Variants in PCDHGA3 observed in about 807,000 individuals in gnomAD.
PCDHGA3 encodes the protein protocadherin gamma subfamily A, 3.
PCDHGA3 carries 40 observed loss-of-function variants against 58.5 expected under a neutral mutation model. That is an observed-to-expected ratio of 0.68 (90% CI 0.53 to 0.89). The LOEUF (loss-of-function observed/expected upper bound fraction) is 0.89, where lower values mean the gene tolerates loss of function less well. PCDHGA3 is among the 40% of genes least tolerant of loss of function. The pLI is 0.00. For synonymous variants in PCDHGA3, 530 were observed against 525.7 expected (o/e 1.01, Z -0.11); for missense variants, 1,223 against 1,195.9 (o/e 1.02, Z -0.33).
At chr5:141,419,939 G>GTGGCCT (rs780963377) in intron 1 of PCDHGA3, 3 of 1,614,054 alleles carry the variant, frequency 1.9e-6, no homozygotes, top group Admixed American at 1.7e-5. Flanking sequence ...TTACCTGGTG[G>GTGGCCT]TGGCCTTGGC....
chr5:141,379,097 A>G (rs1775367339), intron 1 of PCDHGA3: 1 of 152,260 alleles, frequency 6.6e-6, no homozygotes, highest in Non-Finnish European at 1.5e-5. Context: ...ATGTGTAAGA[A>G]AAAAGCAATT....
chr5:141,505,925 C>T (rs1161562658), intron 3 of PCDHGA3, among the ~76,000 whole-genome samples: 4 of 152,140 alleles, frequency 2.6e-5, no homozygotes, highest in Admixed American at 1.3e-4. Context: ...CTGGGCCTGG[C>T]GCTTGGAAGC....
intron 1 of PCDHGA3, chr5:141,399,976 C>CTGCGCACAGGAGAGG: frequency 1.2e-6 from 2 of 1,612,242 alleles, no homozygotes; most frequent in Non-Finnish European, 1.7e-6. Flanking sequence ...CAGCCTGGGG[C>CTGCGCACAGGAGAGG]TGCGCACAGG....
At chr5:141,445,963 A>G (rs2098483291) in intron 1 of PCDHGA3, among the ~76,000 whole-genome samples, 2 of 152,342 alleles carry the variant, frequency 1.3e-5, no homozygotes, top group South Asian at 2.1e-4. Flanking sequence ...TATATGGAGA[A>G]TTGATTTATG....
chr5:141,484,750 G>GTATA (rs545232987), intron 1 of PCDHGA3, among the ~76,000 whole-genome samples: 1 of 149,818 alleles, frequency 6.7e-6, no homozygotes, highest in Non-Finnish European at 1.5e-5. Context: ...GAAAAAAAAT[G>GTATA]TATATATATA....
At chr5:141,408,342 TG>T in intron 1 of PCDHGA3, 1 of 1,613,856 alleles carries the variant, frequency 6.2e-7, no homozygotes, top group Non-Finnish European at 8.5e-7. Context: ...GGCTCGGTGG[TG>T]GGGAACCTCG....
chr5:141,365,523 T>C lies in PCDHGA3; in HGVS notation c.2424+19066T>C, dbSNP rs1445858385. 1 of 1,613,750 alleles carries C rather than the reference T, an allele frequency of 6.2e-7. No homozygotes were observed. The highest frequency in any genetic ancestry group is 1.7e-5 in the Admixed American group (1 of 60,002). ...TTGCCTTTTAAATTGGAGAAGTCAG[T>C]TGATAATTACTATCACCTATTAACA... is the stretch of plus-strand genomic sequence containing the variant. On this transcript the variant is annotated intron_variant, in intron 1 of 3. Coordinates refer to ENST00000253812, the MANE Select transcript of PCDHGA3 (RefSeq NM_018916.4).
chr5:141,423,061 G>T, intron 1 of PCDHGA3: 2 of 1,614,160 alleles, frequency 1.2e-6, no homozygotes, highest in Non-Finnish European at 1.7e-6. Context: ...CCTGCTTAAG[G>T]CCAGCGAGCC....
chr5:141,383,144 G>A (rs1306014093), intron 1 of PCDHGA3: 19 of 1,614,132 alleles, frequency 1.2e-5, no homozygotes, highest in Non-Finnish European at 1.4e-5. Flanking sequence ...CAGCGCAGCG[G>A]CAGCTTGGTC....
At chr5:141,433,481 G>C (rs2097613311) in intron 1 of PCDHGA3, among the ~76,000 whole-genome samples, 1 of 152,046 alleles carries the variant, frequency 6.6e-6, no homozygotes, top group African/African-American at 2.4e-5. Flanking sequence ...CTAGCCTCCT[G>C]CTTCTCCCTC....
chr5:141,357,781 A>C, intron 1 of PCDHGA3: 1 of 862,264 alleles, frequency 1.2e-6, no homozygotes, highest in South Asian at 1.9e-5. Flanking sequence ...AATGATCAAC[A>C]GTATTTACCA....
chr5:141,435,952 G>A lies in PCDHGA3; in HGVS notation c.2425-58855G>A, dbSNP rs944960593. ...TTGCTGCTTCTGAGACCAAAAAAGG[G>A]GGCAAAATATAGAGTGTGTGGTTCT... is the stretch of plus-strand genomic sequence containing the variant. On this transcript the variant is annotated intron_variant, in intron 1 of 3. Transcript: ENST00000253812. Among the ~76,000 whole-genome samples the A allele has an allele frequency of 2.6e-5, 4 of 152,098 alleles. No individual in the cohort carries two copies. The South Asian group carries it at 8.3e-4, about 32-fold the overall frequency.
At chr5:141,361,253 A>G (rs772309054) in intron 1 of PCDHGA3, 1 of 1,613,952 alleles carries the variant, frequency 6.2e-7, no homozygotes, top group South Asian at 1.1e-5. Context: ...AAAACGAGAG[A>G]CAGAGACTCT....
chr5:141,434,714 G>A (rs1333237898), intron 1 of PCDHGA3, among the ~76,000 whole-genome samples: 1 of 151,564 alleles, frequency 6.6e-6, no homozygotes, highest in Non-Finnish European at 1.5e-5. Context: ...GTAAATCTCT[G>A]TTCAGGGCTC....
At chr5:141,468,194 G>A (rs959390749) in intron 1 of PCDHGA3, among the ~76,000 whole-genome samples, 21 of 151,716 alleles carry the variant, frequency 1.4e-4, no homozygotes, top group South Asian at 2.1e-4. Flanking sequence ...GCATGGTGGC[G>A]GGTGCCTGTA....
intron 1 of PCDHGA3, chr5:141,360,306 C>T (rs1354179747): frequency 6.2e-7 from 1 of 1,613,952 alleles, no homozygotes; most frequent in Non-Finnish European, 8.5e-7. Context: ...TGGGGCTCAG[C>T]GTCCGGGACT....
intron 1 of PCDHGA3, chr5:141,366,088 C>T (rs752144187): frequency 3.1e-6 from 5 of 1,614,256 alleles, no homozygotes; most frequent in Non-Finnish European, 4.2e-6. Context: ...AACCTGGCTA[C>T]CTGGTGACCA....
chr5:141,419,933 C>CTGG (rs1192896428), intron 1 of PCDHGA3: 1 of 1,613,952 alleles, frequency 6.2e-7, no homozygotes, highest in African/African-American at 1.3e-5. Context: ...GCAGTTTTAC[C>CTGG]TGGTGGTGGC....
intron 1 of PCDHGA3, chr5:141,352,117 G>C (rs1437830305): frequency 1.6e-5 from 25 of 1,608,576 alleles, no homozygotes; most frequent in Middle Eastern, 2.0e-4. Context: ...GGTTGCGCAC[G>C]GGTGAGGTGC....
Sources: allele counts gnomAD v4.1 joint callset (sites outside exome capture counted in the v4.1 genomes callset), GRCh38; gene constraint gnomAD v4.1.1; transcripts MANE v1.5; gene names NCBI Gene and HGNC (gene_info 2026-07-23, HGNC 2026-07-21).